The following B3GALT1 variants were observed in gnomAD, a reference collection of about 807,000 sequenced individuals.
B3GALT1 encodes UDP-Gal:betaGlcNAc beta 1,3-galactosyltransferase, polypeptide 1.
In B3GALT1, 10 loss-of-function variants were observed where a neutral mutation model predicts 23.2. The ratio of observed to expected loss-of-function variants is 0.43; its 90% confidence interval spans 0.27 to 0.73. The LOEUF (loss-of-function observed/expected upper bound fraction) is 0.73, where lower values mean the gene tolerates loss of function less well. Among genes scored for constraint, B3GALT1 ranks in the 30% least tolerant of loss-of-function variants. B3GALT1 has a pLI of 0.21. For synonymous variants in B3GALT1, 156 were observed against 141.5 expected (o/e 1.10, Z -0.73); for missense variants, 299 against 405.4 (o/e 0.74, Z 2.25).
At chr2:167,660,213 C>T (rs905631735) in intron 3 of B3GALT1, among the ~76,000 whole-genome samples, 18 of 152,020 alleles carry the variant, frequency 1.2e-4, no homozygotes, top group African/African-American at 4.3e-4. Flanking sequence ...CTCTTTCTAA[C>T]TAAAAAATGC....
At chr2:167,454,712 C>T (rs1699143539) in intron 1 of B3GALT1, among the ~76,000 whole-genome samples, 1 of 152,002 alleles carries the variant, frequency 6.6e-6, no homozygotes, top group Non-Finnish European at 1.5e-5. Flanking sequence ...AACAAAATTC[C>T]CATCTGTTAT....
chr2:167,513,379 G>C (rs1056387119), intron 2 of B3GALT1, among the ~76,000 whole-genome samples: 7 of 152,132 alleles, frequency 4.6e-5, no homozygotes, highest in Admixed American at 2.6e-4. Context: ...GAAAGAAATA[G>C]AGACATACAA....
At chr2:167,716,357 T>C (rs926931394) in intron 3 of B3GALT1, among the ~76,000 whole-genome samples, 1 of 152,238 alleles carries the variant, frequency 6.6e-6, no homozygotes, top group African/African-American at 2.4e-5. Context: ...ATCACATATT[T>C]TGAAGCTCTA....
intron 1 of B3GALT1, among the ~76,000 whole-genome samples, chr2:167,395,667 T>G (rs773913669): frequency 1.7e-4 from 26 of 152,098 alleles, no homozygotes; most frequent in Non-Finnish European, 3.5e-4. Context: ...TGGGTAACGT[T>G]TTACAGCAGC....
chr2:167,378,450 G>A (rs1430721275), intron 1 of B3GALT1, among the ~76,000 whole-genome samples: 1 of 151,728 alleles, frequency 6.6e-6, no homozygotes, highest in Non-Finnish European at 1.5e-5. Flanking sequence ...TTCTCTCTCA[G>A]GAATGTCAAG....
intron 1 of B3GALT1, among the ~76,000 whole-genome samples, chr2:167,312,549 G>A (rs1696649251): frequency 6.6e-6 from 1 of 152,034 alleles, no homozygotes; most frequent in Non-Finnish European, 1.5e-5. Context: ...CTGTAACATA[G>A]AACAACAGGC....
At chr2:167,659,903 T>A (rs1035350243) in intron 3 of B3GALT1, among the ~76,000 whole-genome samples, 1 of 152,042 alleles carries the variant, frequency 6.6e-6, no homozygotes, top group African/African-American at 2.4e-5. Context: ...CACTGTGTAG[T>A]AGTGATTATT....
At chr2:167,693,178 G>A (rs188448234) in intron 3 of B3GALT1, among the ~76,000 whole-genome samples, 1 of 151,996 alleles carries the variant, frequency 6.6e-6, no homozygotes, top group African/African-American at 2.4e-5. Flanking sequence ...AGAGTATGGG[G>A]AAATGATTAC....
At chr2:167,560,565 C>T (rs1478321021) in intron 2 of B3GALT1, among the ~76,000 whole-genome samples, 1 of 152,128 alleles carries the variant, frequency 6.6e-6, no homozygotes, top group Admixed American at 6.5e-5. Flanking sequence ...AAACGCATCT[C>T]ATGTGCAGAG....
chr2:167,640,324 G>T (rs1468047934), intron 2 of B3GALT1, among the ~76,000 whole-genome samples: 1 of 152,066 alleles, frequency 6.6e-6, no homozygotes, highest in Non-Finnish European at 1.5e-5. Flanking sequence ...CCACCCCCAT[G>T]CAATGGAGTT....
intron 4 of B3GALT1, among the ~76,000 whole-genome samples, chr2:167,828,614 TCTTCA>T (rs1366761839): frequency 6.6e-6 from 1 of 152,232 alleles, no homozygotes; most frequent in Non-Finnish European, 1.5e-5. Flanking sequence ...AAAATTGATA[TCTTCA>T]CAAGGACAAA....
intron 3 of B3GALT1, among the ~76,000 whole-genome samples, chr2:167,676,559 A>G (rs899822448): frequency 2.0e-5 from 3 of 151,264 alleles, no homozygotes; most frequent in African/African-American, 7.3e-5. Context: ...ACACACATAT[A>G]TATGTGTATG....
At chr2:167,316,792 T>C (rs928219320) in intron 1 of B3GALT1, among the ~76,000 whole-genome samples, 1 of 152,116 alleles carries the variant, frequency 6.6e-6, no homozygotes, top group South Asian at 2.1e-4. Context: ...TCTGCATTTC[T>C]TATGGGTGCT....
chr2:167,536,729 G>C (rs1170949021), intron 2 of B3GALT1, among the ~76,000 whole-genome samples: 1 of 152,108 alleles, frequency 6.6e-6, no homozygotes, highest in African/African-American at 2.4e-5. Context: ...CTCCAGGAGA[G>C]GTAAGACTCC....
At chr2:167,669,436 G>A (rs1686281294) in intron 3 of B3GALT1, among the ~76,000 whole-genome samples, 2 of 152,096 alleles carry the variant, frequency 1.3e-5, no homozygotes, top group African/African-American at 2.4e-5. Flanking sequence ...CCCAAGAAAC[G>A]AAGAAATCAG....
In B3GALT1 at chr2:167,293,199, G is replaced by A. The variant is rs1696286143; in HGVS notation, c.-646G>A. On this transcript the variant is annotated 5_prime_UTR_variant, in exon 1 of 5. Coordinates refer to ENST00000392690, the MANE Select transcript of B3GALT1 (RefSeq NM_020981.4). ...CCGAGAGAGCGGAGCACGAGGAGGCGGGGGCGGCAGAGAAGTGATGCTGGC... is the reference window on the plus strand; with the variant it reads ...CCGAGAGAGCGGAGCACGAGGAGGCAGGGGCGGCAGAGAAGTGATGCTGGC... 6.6e-6 allele frequency: 1 copy of A among 152,030 alleles called. No homozygotes were observed. Among genetic ancestry groups the A allele is most frequent in the South Asian group, 2.1e-4 (1 of 4,826 alleles). 9.4% of individuals were successfully genotyped at this position (152,030 alleles called of 1,614,324 possible). A position where few individuals can be genotyped will look rare whatever the true frequency, so the allele number is the denominator to read the frequency against.
chr2:167,333,143 G>A (rs1697000811), intron 1 of B3GALT1, among the ~76,000 whole-genome samples: 1 of 152,140 alleles, frequency 6.6e-6, no homozygotes, highest in African/African-American at 2.4e-5. Context: ...CTTTTTCAAA[G>A]GCATAAACTC....
At chr2:167,470,958 G>A (rs79505827) in intron 1 of B3GALT1, among the ~76,000 whole-genome samples, 8 of 152,280 alleles carry the variant, frequency 5.3e-5, no homozygotes, top group African/African-American at 7.2e-5. Flanking sequence ...AACAGTTTCC[G>A]TGGGTTTTGG....
intron 1 of B3GALT1, among the ~76,000 whole-genome samples, chr2:167,473,434 A>G (rs2105332187): frequency 6.6e-6 from 1 of 152,286 alleles, no homozygotes; most frequent in East Asian, 1.9e-4. Context: ...ATTCTCATAA[A>G]TACAATAAAG....
Sources: allele counts gnomAD v4.1 joint callset (sites outside exome capture counted in the v4.1 genomes callset), GRCh38; gene constraint gnomAD v4.1.1; transcripts MANE v1.5; gene names NCBI Gene and HGNC (gene_info 2026-07-23, HGNC 2026-07-21).